The following EDA variants were observed in gnomAD, a reference collection of about 807,000 sequenced individuals.
The protein encoded by EDA is ectodysplasin A, also known as ectodysplasin-A.
A neutral mutation model predicts 23.6 loss-of-function variants in EDA; 2 were observed. The ratio of observed to expected loss-of-function variants is 0.08; its 90% confidence interval spans 0.03 to 0.27. The LOEUF is 0.27. Ranked by LOEUF, EDA falls within the 10% of genes least tolerant of loss-of-function variation. EDA has a pLI of 1.00. For missense variants in EDA, 229 were observed against 324.2 expected (o/e 0.71, Z 2.26); for synonymous variants, 131 against 132.0 (o/e 0.99, Z 0.05).
At chrX:69,757,499 G>C (rs1175608688) in intron 1 of EDA, among the ~76,000 whole-genome samples, 1 of 112,160 alleles carries the variant, frequency 8.9e-6, no homozygotes. Flanking sequence ...GGAAGTAAAA[G>C]TTATCATCTG....
At chrX:69,788,935 A>G (rs1242322717) in intron 1 of EDA, among the ~76,000 whole-genome samples, 1 of 111,849 alleles carries the variant, frequency 8.9e-6, no homozygotes, top group East Asian at 2.8e-4. Context: ...TGTGCTATCA[A>G]TCAGCGAGAC....
chrX:69,712,513 A>G (rs971857200), intron 1 of EDA, among the ~76,000 whole-genome samples: 11 of 111,552 alleles, frequency 9.9e-5, no homozygotes, highest in Non-Finnish European at 1.9e-4. Flanking sequence ...ACAATGAGAT[A>G]CCATCTCACA....
intron 1 of EDA, among the ~76,000 whole-genome samples, chrX:69,728,739 T>A (rs770520775): frequency 1.8e-5 from 2 of 110,845 alleles, no homozygotes; most frequent in Non-Finnish European, 3.8e-5. Flanking sequence ...ATAGCTCAAG[T>A]GAAAAACAAG....
At position 69,828,737 on chromosome X, in the gene EDA, C is replaced by T. The variant is rs190459375; in HGVS notation, c.397-128290C>T. Among the ~76,000 whole-genome samples the T allele has an allele frequency of 4.6e-3, 518 of 112,368 alleles. 3 individuals are homozygous for T. Among genetic ancestry groups the T allele is most frequent in the African/African-American group, 0.016 (497 of 30,984 alleles). ...ATCTTGGCTCCTCCCTCATGTTATT[C>T]TATTAAAGATAGGAAACACATTGAA... On this transcript the variant is annotated intron_variant, in intron 1 of 7. Transcript: ENST00000374552.
At chrX:69,798,664 A>G (rs1014857481) in intron 1 of EDA, among the ~76,000 whole-genome samples, 2 of 111,532 alleles carry the variant, frequency 1.8e-5, no homozygotes, top group South Asian at 7.5e-4. Context: ...ATACAGCAGA[A>G]GCAGTGCCAA....
At chrX:69,872,888 A>C (rs1178437095) in intron 1 of EDA, among the ~76,000 whole-genome samples, 2 of 111,797 alleles carry the variant, frequency 1.8e-5, no homozygotes, top group Admixed American at 1.9e-4. Context: ...AATATGCCCT[A>C]CACAAATAGA....
intron 1 of EDA, among the ~76,000 whole-genome samples, chrX:69,929,709 TGTGTGTG>T (rs2018572094): frequency 3.2e-5 from 1 of 31,049 alleles, no homozygotes; most frequent in Admixed American, 2.6e-4. Context: ...TCTATTTTTG[TGTGTGTG>T]TGTGTGTGTG....
At chrX:69,849,877 A>G (rs970706769) in intron 1 of EDA, among the ~76,000 whole-genome samples, 1 of 112,256 alleles carries the variant, frequency 8.9e-6, no homozygotes, top group African/African-American at 3.2e-5. Flanking sequence ...AGGATGTTGC[A>G]ATGCTAGTTT....
intron 1 of EDA, among the ~76,000 whole-genome samples, chrX:69,618,961 A>G (rs1932081182): frequency 8.9e-6 from 1 of 111,908 alleles, no homozygotes; most frequent in Non-Finnish European, 1.9e-5. Flanking sequence ...TAATACTGCT[A>G]CAAGCTTGGT....
At chrX:69,700,990 C>G (rs1374747131) in intron 1 of EDA, among the ~76,000 whole-genome samples, 1 of 110,945 alleles carries the variant, frequency 9.0e-6, no homozygotes, top group Non-Finnish European at 1.9e-5. Context: ...GTGCGGGGAG[C>G]AGAAAAGTGG....
chrX:69,720,414 T>G (rs1435754573), intron 1 of EDA, among the ~76,000 whole-genome samples: 1 of 112,298 alleles, frequency 8.9e-6, no homozygotes, highest in African/African-American at 3.2e-5. Flanking sequence ...TTTTACCAAA[T>G]TTTGGAAACT....
At chrX:69,636,690 T>G (rs1018032662) in intron 1 of EDA, among the ~76,000 whole-genome samples, 3 of 108,567 alleles carry the variant, frequency 2.8e-5, no homozygotes, top group African/African-American at 1.0e-4. Context: ...AATGTGATAC[T>G]TTATTATAAA....
chrX:69,712,655 AT>A (rs774931072), intron 1 of EDA, among the ~76,000 whole-genome samples: 1 of 111,449 alleles, frequency 9.0e-6, no homozygotes, highest in South Asian at 3.8e-4. Flanking sequence ...CAGTGTGGTG[AT>A]TCCTCAGGGA....
intron 1 of EDA, among the ~76,000 whole-genome samples, chrX:69,649,442 A>C: frequency 8.9e-6 from 1 of 112,049 alleles, no homozygotes; most frequent in East Asian, 2.8e-4. Flanking sequence ...CTATTGACTG[A>C]CAAATGTATA....
chrX:70,035,718 C>T lies in EDA; in HGVS notation c.*109C>T, dbSNP rs2020259038. The T allele has an allele frequency of 1.0e-6, 1 of 957,042 alleles. No homozygotes were observed. Among genetic ancestry groups the T allele is most frequent in the Non-Finnish European group, 1.5e-6 (1 of 686,663 alleles). The allele number at this position is 957,042 out of a possible 1,213,427, so 78.9% of individuals were successfully genotyped here. ...GTGAGGTGTATTGGTGTTGCAGCCG[C>T]AGAGAAATGCCCCAGTGTTATTTAT... On this transcript the variant is annotated 3_prime_UTR_variant, in exon 8 of 8. Transcript: ENST00000374552.
intron 1 of EDA, among the ~76,000 whole-genome samples, chrX:69,872,747 A>G (rs1447338819): frequency 9.0e-6 from 1 of 111,706 alleles, no homozygotes; most frequent in Non-Finnish European, 1.9e-5. Context: ...CAAAATTTAT[A>G]AAACAATTAC....
At chrX:69,967,256 G>C (rs191628257) in intron 2 of EDA, among the ~76,000 whole-genome samples, 1 of 111,421 alleles carries the variant, frequency 9.0e-6, no homozygotes, top group East Asian at 2.8e-4. Context: ...AATGACAGTG[G>C]CTGAATTAAA....
intron 1 of EDA, among the ~76,000 whole-genome samples, chrX:69,789,342 G>T (rs2015326064): frequency 8.9e-6 from 1 of 112,376 alleles, no homozygotes; most frequent in Non-Finnish European, 1.9e-5. Flanking sequence ...TGTGAGCAAG[G>T]GTAAGGGAAT....
At chrX:69,636,473 GC>G (rs1932776034) in intron 1 of EDA, among the ~76,000 whole-genome samples, 1 of 109,614 alleles carries the variant, frequency 9.1e-6, no homozygotes, top group South Asian at 4.0e-4. Context: ...TGCAAAAATG[GC>G]CTAATACATC....
Sources: gnomAD v4.1 joint callset for allele counts (sites outside exome capture counted in the v4.1 genomes callset) on GRCh38, gnomAD v4.1.1 for gene constraint, MANE v1.5 for transcripts, NCBI Gene and HGNC (gene_info 2026-07-23, HGNC 2026-07-21) for gene names.